FNIP2: variants seen among roughly 807,000 people sequenced by gnomAD.
The protein encoded by FNIP2 is folliculin-interacting protein 2.
A neutral mutation model predicts 108.7 loss-of-function variants in FNIP2; 32 were observed. The ratio of observed to expected loss-of-function variants is 0.29; its 90% CI spans 0.22 to 0.40. The LOEUF is 0.40. Ranked by LOEUF, FNIP2 falls within the 10% of genes least tolerant of loss-of-function variation. The probability of loss-of-function intolerance (pLI) is 1.00; values close to 1 mark genes in which losing one functional copy is unlikely to be tolerated. For missense variants in FNIP2, 1,202 were observed against 1,381.6 expected (o/e 0.87, Z 2.06); for synonymous variants, 480 against 496.7 (o/e 0.97, Z 0.45).
rs1782612018 is a variant in FNIP2 at position 158,895,745 on chromosome 4, T to C, written c.3151-5T>C. ...CCCTCATTGTGAATGTTCTTGGCTT[T>C]GCAGTGCATCATGCATCTTGAAGAT... On this transcript the variant is annotated splice_polypyrimidine_tract_variant and splice_region_variant and intron_variant, in intron 15 of 16. Transcript: ENST00000264433. 1 of 1,580,272 alleles carries C rather than the reference T, an allele frequency of 6.3e-7. No homozygotes were observed. Among genetic ancestry groups the C allele is most frequent in the South Asian group, 1.1e-5 (1 of 89,470 alleles).
intron 15 of FNIP2, chr4:158,893,845 TGTTATA>T: frequency 3.3e-6 from 2 of 610,332 alleles, no homozygotes; most frequent in East Asian, 2.8e-5. Context: ...AGCAATAAAT[TGTTATA>T]GTTAATTCTT....
chr4:158,838,792 T>C, intron 7 of FNIP2, among the ~76,000 whole-genome samples: 1 of 152,228 alleles, frequency 6.6e-6, no homozygotes, highest in Admixed American at 6.5e-5. Context: ...AATAGCCTTT[T>C]CTGGTTCTGG....
At chr4:158,876,705 C>T (rs1408814621) in intron 14 of FNIP2, among the ~76,000 whole-genome samples, 1 of 152,222 alleles carries the variant, frequency 6.6e-6, no homozygotes, top group Non-Finnish European at 1.5e-5. Flanking sequence ...GTGCCTGGCA[C>T]ATAGAAAGTG....
intron 1 of FNIP2, among the ~76,000 whole-genome samples, chr4:158,804,555 G>A (rs1443947794): frequency 1.3e-5 from 2 of 151,902 alleles, no homozygotes; most frequent in Non-Finnish European, 2.9e-5. Flanking sequence ...TGGGACTACA[G>A]GCGCATGCCA....
intron 1 of FNIP2, among the ~76,000 whole-genome samples, chr4:158,792,317 C>T (rs1776446934): frequency 6.6e-6 from 1 of 151,786 alleles, no homozygotes; most frequent in South Asian, 2.1e-4. Context: ...TAACCCTCTG[C>T]TGTCCTGTGT....
chr4:158,864,935 G>C (rs1047810490), intron 12 of FNIP2, among the ~76,000 whole-genome samples: 1 of 151,188 alleles, frequency 6.6e-6, no homozygotes, highest in Non-Finnish European at 1.5e-5. Context: ...AGTTTCTTCT[G>C]TCTGTTCCTC....
At chr4:158,791,690 G>A (rs1776424101) in intron 1 of FNIP2, among the ~76,000 whole-genome samples, 1 of 152,106 alleles carries the variant, frequency 6.6e-6, no homozygotes, top group African/African-American at 2.4e-5. Context: ...ATTTTGGAAG[G>A]CCAAAACAGA....
chr4:158,833,432 C>T lies in FNIP2; in HGVS notation c.555-96C>T, dbSNP rs141557763. The stretch of plus-strand genomic sequence containing the variant: ...GAAAAGTATTGAGTGACTGATCAGT[C>T]GTTGTCTATATTTGGAAGTCTATTA... On this transcript the variant is annotated intron_variant, in intron 5 of 16. Coordinates refer to ENST00000264433, the MANE Select transcript of FNIP2 (RefSeq NM_020840.3). The T allele has an allele frequency of 8.2e-4, 582 of 706,510 alleles. 1 individual carries two copies. In the African/African-American group the frequency reaches 9.0e-3, roughly 11 times the overall value. The allele number at this position is 706,510 out of a possible 1,614,324, so 43.8% of individuals were successfully genotyped here.
At chr4:158,889,768 G>C in intron 14 of FNIP2, 1 of 964,242 alleles carries the variant, frequency 1.0e-6, no homozygotes, top group South Asian at 4.8e-5. Context: ...GAAGGAGTTT[G>C]AGCTCAAAAT....
chr4:158,886,048 G>T (rs1782009187), intron 14 of FNIP2, among the ~76,000 whole-genome samples: 1 of 152,150 alleles, frequency 6.6e-6, no homozygotes, highest in African/African-American at 2.4e-5. Context: ...CCAGGAAATG[G>T]ACCCATCCTT....
chr4:158,893,290 A>C (rs1181186936), intron 15 of FNIP2: 1 of 163,956 alleles, frequency 6.1e-6, no homozygotes, highest in Admixed American at 6.2e-5. Context: ...CCTGGGGTCA[A>C]ATCCAAGTTC....
At chr4:158,790,430 C>CA (rs1304298432) in intron 1 of FNIP2, among the ~76,000 whole-genome samples, 1 of 151,584 alleles carries the variant, frequency 6.6e-6, no homozygotes, top group African/African-American at 2.4e-5. Flanking sequence ...ACCTGTATAC[C>CA]AAAAAATAGG....
In FNIP2 at chr4:158,851,414, A is replaced by G; in HGVS notation, c.821A>G (p.Gln274Arg). 6.2e-7 allele frequency: 1 copy of G among 1,613,978 alleles called. No individual in the cohort carries two copies. Among genetic ancestry groups the G allele is most frequent in the Non-Finnish European group, 8.5e-7 (1 of 1,179,870 alleles). Reference sequence around the variant, plus strand: ...TACCAGCGCCGCTGGCTTCGAAGTCAGACAACAAGTTTGGAAAATGGCATC... The same window carrying G: ...TACCAGCGCCGCTGGCTTCGAAGTCGGACAACAAGTTTGGAAAATGGCATC... ...SSYQRRWLRS[Q>R]TTSLENGIIP... The change falls in exon 8 of 17, where the codon CAG becomes CGG. Residue 274 changes from glutamine to arginine, a missense_variant. By Grantham distance (43) the Gln-to-Arg change is conservative (BLOSUM62 1). Around this residue, in one of 5 missense-constraint regions of FNIP2, gnomAD observed 878 missense variants for 990.3 expected, o/e 0.89. Coordinates refer to ENST00000264433, the MANE Select transcript of FNIP2 (RefSeq NM_020840.3).
At position 158,831,878 on chromosome 4, in the gene FNIP2, C is replaced by T. The variant is rs377607959; in HGVS notation, c.399C>T (p.Ser133=). The change falls in exon 4 of 17, where the codon TCC becomes TCT. Residue 133 remains serine, a synonymous_variant. Coordinates refer to ENST00000264433, the MANE Select transcript of FNIP2 (RefSeq NM_020840.3). The part of the protein sequence containing the change: ...LPKYQYTRPA[S]DVNMLGEMMF... ...GCATGTAGTACACAAGACCAGCTTC[C>T]GATGTCAACATGTTAGGGGAAATGA... 5.0e-6 allele frequency: 8 copies of T among 1,611,106 alleles called. No individual in the cohort carries two copies. Among genetic ancestry groups the T allele is most frequent in the African/African-American group, 4.0e-5 (3 of 74,900 alleles).
intron 7 of FNIP2, among the ~76,000 whole-genome samples, chr4:158,844,181 G>A (rs1779276364): frequency 6.6e-6 from 1 of 152,112 alleles, no homozygotes; most frequent in Non-Finnish European, 1.5e-5. Flanking sequence ...GCTCCATGAG[G>A]GCAGAAACCT....
intron 1 of FNIP2, among the ~76,000 whole-genome samples, chr4:158,801,448 C>T (rs1443308221): frequency 6.6e-6 from 1 of 152,144 alleles, no homozygotes; most frequent in East Asian, 1.9e-4. Flanking sequence ...TAGCCCCTTC[C>T]CAGATCTGTC....
intron 1 of FNIP2, among the ~76,000 whole-genome samples, chr4:158,793,466 AG>A (rs1465037141): frequency 1.3e-5 from 2 of 152,196 alleles, no homozygotes; most frequent in Non-Finnish European, 2.9e-5. Context: ...TAGGGAGAGG[AG>A]GGGAGGACAG....
intron 5 of FNIP2, among the ~76,000 whole-genome samples, chr4:158,832,800 A>G (rs1013182408): frequency 6.6e-6 from 1 of 152,210 alleles, no homozygotes; most frequent in Non-Finnish European, 1.5e-5. Flanking sequence ...TTTGTTTTTA[A>G]CAGACCCTTG....
intron 16 of FNIP2, among the ~76,000 whole-genome samples, chr4:158,900,485 C>T (rs985216977): frequency 6.6e-6 from 1 of 152,104 alleles, no homozygotes; most frequent in African/African-American, 2.4e-5. Flanking sequence ...CTCTTTGTAG[C>T]TCTTTAAGAA....
Sources: allele counts gnomAD v4.1 joint callset (sites outside exome capture counted in the v4.1 genomes callset), GRCh38; gene constraint gnomAD v4.1.1; regional missense constraint gnomAD v4.1.1; transcripts MANE v1.5; gene names NCBI Gene and HGNC (gene_info 2026-07-23, HGNC 2026-07-21).